The following MELK variants were observed in gnomAD, a reference collection of about 807,000 sequenced individuals.
MELK encodes pEg3 kinase.
MELK carries 81 observed loss-of-function variants against 85.0 expected under a neutral mutation model. The observed-to-expected ratio is 0.95, with a 90% CI of 0.80 to 1.15. The LOEUF (loss-of-function observed/expected upper bound fraction) is 1.15, where lower values mean the gene tolerates loss of function less well. Ranked by LOEUF, MELK falls within the 50% of genes most tolerant of loss-of-function variation. The pLI, the probability that MELK is intolerant of heterozygous loss-of-function variation, is 0.00. For missense variants in MELK, 754 were observed against 777.5 expected, an observed-to-expected ratio of 0.97 and a Z score of 0.36; for synonymous variants, 252 against 265.0, an observed-to-expected ratio of 0.95 and a Z score of 0.48.
chr9:36,592,176 T>C (rs1376428490), intron 4 of MELK, among the ~76,000 whole-genome samples: 3 of 145,858 alleles, frequency 2.1e-5, no homozygotes, highest in African/African-American at 2.5e-5. Flanking sequence ...TCTTTTCTTT[T>C]TTTTTTTTTT....
intron 6 of MELK, among the ~76,000 whole-genome samples, chr9:36,598,482 A>G (rs948867046): frequency 2.6e-5 from 4 of 152,126 alleles, no homozygotes; most frequent in African/African-American, 9.7e-5. Context: ...AGAACTCTAT[A>G]CAGCTGTTGG....
At chr9:36,640,408 A>G (rs529283872) in intron 10 of MELK, among the ~76,000 whole-genome samples, 2 of 152,234 alleles carry the variant, frequency 1.3e-5, no homozygotes, top group South Asian at 4.2e-4. Context: ...AGAAAGGGGA[A>G]AGGCCTCTGG....
intron 1 of MELK, among the ~76,000 whole-genome samples, chr9:36,581,114 C>T (rs1405114840): frequency 6.6e-6 from 1 of 152,090 alleles, no homozygotes; most frequent in Non-Finnish European, 1.5e-5. Flanking sequence ...CTGTGTACAT[C>T]CACTATTATA....
At chr9:36,658,868 ATT>A (rs1196473510) in intron 13 of MELK, among the ~76,000 whole-genome samples, 2 of 141,552 alleles carry the variant, frequency 1.4e-5, no homozygotes, top group African/African-American at 5.3e-5. Flanking sequence ...TGCCTGGCTA[ATT>A]TTTTTTTTTT....
chr9:36,668,518 T>C (rs10758387), intron 14 of MELK, among the ~76,000 whole-genome samples: 117,421 of 150,494 alleles, frequency 0.78, 47,847 homozygotes, highest in Non-Finnish European at 0.9. Flanking sequence ...AGCTTACATC[T>C]CTTTTTTTTT....
At chr9:36,653,514 G>T (rs1480306599) in intron 12 of MELK, among the ~76,000 whole-genome samples, 1 of 152,188 alleles carries the variant, frequency 6.6e-6, no homozygotes, top group Non-Finnish European at 1.5e-5. Flanking sequence ...CTAAATGCTT[G>T]TGTTAGTCCT....
At chr9:36,575,016 A>T (rs1821501171) in intron 1 of MELK, among the ~76,000 whole-genome samples, 1 of 152,082 alleles carries the variant, frequency 6.6e-6, no homozygotes, top group Non-Finnish European at 1.5e-5. Flanking sequence ...CACACCTGTA[A>T]TCCCAGCTAC....
At chr9:36,657,937 A>G (rs1187865476) in intron 13 of MELK, among the ~76,000 whole-genome samples, 1 of 152,218 alleles carries the variant, frequency 6.6e-6, no homozygotes, top group African/African-American at 2.4e-5. Context: ...GTAGTTAAAT[A>G]GGTAAAGTCA....
chr9:36,636,782 T>TTCTTTCTGTCTGTCTGTCTGTCTGTCTG lies in MELK; in HGVS notation c.834+3585_834+3586insTTCTGTCTGTCTGTCTGTCTGTCTGTCT, dbSNP rs71494635. Among the ~76,000 whole-genome samples, 117 of 107,654 alleles carry TTCTTTCTGTCTGTCTGTCTGTCTGTCTG rather than the reference T, an allele frequency of 1.1e-3. 2 individuals carry two copies. Among genetic ancestry groups the TTCTTTCTGTCTGTCTGTCTGTCTGTCTG allele is most frequent in the African/African-American group, 4.5e-3 (110 of 24,518 alleles). 70.6% of individuals were successfully genotyped at this position (107,654 alleles called of 152,430 possible). ...TTTCTTTCTTTCTTTCTTTCTTTCTTTCTGTCTGTCTTTCTTTCTTTCTGT... is the reference window on the plus strand; with the variant it reads ...TTTCTTTCTTTCTTTCTTTCTTTCTTTCTTTCTGTCTGTCTGTCTGTCTGTCTGTCTGTCTGTCTTTCTTTCTTTCTGT... On this transcript the variant is annotated intron_variant, in intron 10 of 17. Coordinates refer to ENST00000298048, the MANE Select transcript of MELK (RefSeq NM_014791.4).
chr9:36,638,948 A>G (rs770595503), intron 10 of MELK, among the ~76,000 whole-genome samples: 1 of 152,190 alleles, frequency 6.6e-6, no homozygotes, highest in Non-Finnish European at 1.5e-5. Context: ...CTGATAGGCT[A>G]GCTGATTCAA....
intron 10 of MELK, among the ~76,000 whole-genome samples, chr9:36,633,432 G>A (rs929143861): frequency 6.6e-6 from 1 of 152,146 alleles, no homozygotes; most frequent in African/African-American, 2.4e-5. Flanking sequence ...CTTAATGGGA[G>A]TTTTTAAAAG....
In MELK at chr9:36,623,879, A is replaced by G. The variant is rs1827680314; in HGVS notation, c.667-6420A>G. On this transcript the variant is annotated intron_variant, in intron 8 of 17. Transcript: ENST00000298048. ...GGCAGTATGCCGAGTGCTTTCACAT[A>G]TATTCTGTTGGTTTATAATCCTGTA... Among the ~76,000 whole-genome samples, 4 of 152,332 alleles carry G rather than the reference A, an allele frequency of 2.6e-5. No homozygotes were observed. In the South Asian group the frequency reaches 8.3e-4, roughly 32 times the overall value.
In MELK at chr9:36,671,163, A is replaced by G. The variant is rs1832855385; in HGVS notation, c.1671A>G (p.Leu557=). The G allele has an allele frequency of 1.9e-6, 3 of 1,589,008 alleles. No individual in the cohort carries two copies. Among genetic ancestry groups the G allele is most frequent in the African/African-American group, 1.4e-5 (1 of 73,630 alleles). ...KGSARDGPRR[L]KLHYNVTTTR... is the part of the protein sequence containing the mutation. Reference sequence around the variant, plus strand: ...CTGCCAGAGACGGGCCCAGAAGACTAAAGGTAAGCAGGCTGGAATTCTTTC... The same window carrying G: ...CTGCCAGAGACGGGCCCAGAAGACTGAAGGTAAGCAGGCTGGAATTCTTTC... Residue 557 remains leucine (L), a synonymous_variant, in exon 16 of 18, where the codon CTA becomes CTG. Transcript: ENST00000298048.
intron 3 of MELK, among the ~76,000 whole-genome samples, chr9:36,588,944 T>C (rs1287648602): frequency 6.6e-6 from 1 of 152,074 alleles, no homozygotes; most frequent in Non-Finnish European, 1.5e-5. Flanking sequence ...GATGACTGAG[T>C]AGTGTTTCTG....
intron 8 of MELK, among the ~76,000 whole-genome samples, chr9:36,616,667 G>A (rs190157779): frequency 5.3e-4 from 81 of 152,220 alleles, no homozygotes; most frequent in Non-Finnish European, 9.6e-4. Flanking sequence ...GGGATTACAG[G>A]CGTGAGCCAC....
intron 1 of MELK, among the ~76,000 whole-genome samples, chr9:36,578,956 C>T (rs1821918026): frequency 6.6e-6 from 1 of 152,000 alleles, no homozygotes; most frequent in African/African-American, 2.4e-5. Flanking sequence ...AATTCTCCTG[C>T]CTCAGCCTCC....
chr9:36,594,661 A>T lies in MELK; in HGVS notation c.295A>T (p.Ile99Phe). The T allele has an allele frequency of 6.2e-7, 1 of 1,613,970 alleles. No homozygotes were observed. Among genetic ancestry groups the T allele is most frequent in the Non-Finnish European group, 8.5e-7 (1 of 1,179,954 alleles). The change falls in exon 5 of 18, where the codon ATT becomes TTT. Residue 99 changes from isoleucine to phenylalanine, a missense_variant. Transcript: ENST00000298048. The part of the protein sequence containing the change: ...CPGGELFDYI[I>F]SQDRLSEEET... The stretch of plus-strand genomic sequence containing the variant: ...TGGAGGAGAGCTGTTTGACTATATA[A>T]TTTCCCAGGATCGCCTGTCAGAAGA...
chr9:36,622,917 T>G (rs1587471781), intron 8 of MELK, among the ~76,000 whole-genome samples: 1 of 152,234 alleles, frequency 6.6e-6, no homozygotes, highest in East Asian at 1.9e-4. Flanking sequence ...CACTGTTATC[T>G]GTTTCTTGCT....
chr9:36,662,913 G>C (rs1831995109), intron 13 of MELK, among the ~76,000 whole-genome samples: 1 of 152,264 alleles, frequency 6.6e-6, no homozygotes, highest in African/African-American at 2.4e-5. Flanking sequence ...TCTGTGGATA[G>C]TGTCCTCTGG....
Sources: allele counts gnomAD v4.1 joint callset (sites outside exome capture counted in the v4.1 genomes callset), GRCh38; gene constraint gnomAD v4.1.1; transcripts MANE v1.5; gene names NCBI Gene and HGNC (gene_info 2026-07-23, HGNC 2026-07-21).